MAST2: variants seen among roughly 807,000 people sequenced by gnomAD.
The protein encoded by MAST2 is microtubule-associated serine/threonine-protein kinase 2.
Under a neutral mutation model 147.4 loss-of-function variants are expected in MAST2, and 70 were observed. The observed-to-expected ratio is 0.47, with a 90% confidence interval of 0.39 to 0.58. MAST2 has a LOEUF of 0.58. Ranked by LOEUF, MAST2 falls within the 20% of genes least tolerant of loss-of-function variation. The pLI is 0.00. For synonymous variants in MAST2, 869 were observed against 896.8 expected (o/e 0.97, Z 0.55); for missense variants, 2,080 against 2,302.3 (o/e 0.90, Z 1.98).
chr1:45,849,123 G>A (rs1273729792), intron 3 of MAST2, among the ~76,000 whole-genome samples: 1 of 152,160 alleles, frequency 6.6e-6, no homozygotes, highest in Non-Finnish European at 1.5e-5. Flanking sequence ...CTCATGGATA[G>A]GAAGACTCAA....
intron 12 of MAST2, 37 bp from the exon 13 acceptor site, chr1:46,022,873 T>C: frequency 6.5e-7 from 1 of 1,542,834 alleles, no homozygotes; most frequent in African/African-American, 1.4e-5. Context: ...TACCTGACAT[T>C]GCCACGCACA....
intron 4 of MAST2, among the ~76,000 whole-genome samples, chr1:45,890,070 A>G (rs1253483307): frequency 6.6e-6 from 1 of 152,000 alleles, no homozygotes. Flanking sequence ...ATCTATACCA[A>G]TCTAGTTCCT....
chr1:45,919,668 T>C (rs1473189242), intron 4 of MAST2, among the ~76,000 whole-genome samples: 1 of 152,224 alleles, frequency 6.6e-6, no homozygotes, highest in African/African-American at 2.4e-5. Flanking sequence ...AGATTGTAAG[T>C]TGGGTAGCCC....
chr1:45,925,501 A>G (rs1022296344), intron 4 of MAST2, among the ~76,000 whole-genome samples: 2 of 152,140 alleles, frequency 1.3e-5, no homozygotes, highest in African/African-American at 4.8e-5. Flanking sequence ...TGCTAGATTG[A>G]CTTTGTGTTG....
chr1:45,807,847 T>C (rs1644186062), intron 1 of MAST2, among the ~76,000 whole-genome samples: 1 of 152,092 alleles, frequency 6.6e-6, no homozygotes, highest in Non-Finnish European at 1.5e-5. Context: ...CGGCCTAACA[T>C]TTGTGAGTTT....
At chr1:46,019,748 G>C (rs774657276) in intron 11 of MAST2, 51 bp downstream of exon 11, 4 of 1,495,518 alleles carry the variant, frequency 2.7e-6, no homozygotes, top group Non-Finnish European at 2.8e-6. Flanking sequence ...GAGGACTATA[G>C]AGGAAGTATC....
Position 46,035,829 on chromosome 1 carries a change from TC to T in MAST2, c.5163del (p.Ser1722AlafsTer14). On this transcript the variant is annotated frameshift_variant, in exon 29 of 29. Transcript: ENST00000361297. LOFTEE classifies it high-confidence loss of function. The surrounding 1 kb of genome is among the most constrained non-coding windows in gnomAD (Gnocchi z 5.5). The part of the protein sequence containing the change: ...PRLAHPSYED[P>X]SQGWLWESEC... ...GACTGGCCCATCCATCTTATGAGGATCCCAGCCAGGGCTGGCTATGGGAGTC... is the reference window on the plus strand; with the variant it reads ...GACTGGCCCATCCATCTTATGAGGATCCAGCCAGGGCTGGCTATGGGAGTC... 6.2e-7 allele frequency: 1 copy of T among 1,613,940 alleles called. No individual in the cohort carries two copies. Among genetic ancestry groups the T allele is most frequent in the Non-Finnish European group, 8.5e-7 (1 of 1,179,998 alleles).
At chr1:45,945,652 G>A (rs1657923678) in intron 4 of MAST2, among the ~76,000 whole-genome samples, 1 of 152,198 alleles carries the variant, frequency 6.6e-6, no homozygotes, top group African/African-American at 2.4e-5. Context: ...TGTGTATTAA[G>A]TAACAGATTA....
chr1:45,932,833 C>G (rs1259416693), intron 4 of MAST2, among the ~76,000 whole-genome samples: 1 of 152,096 alleles, frequency 6.6e-6, no homozygotes, highest in African/African-American at 2.4e-5. Context: ...TTTGATGTCT[C>G]TGTCATTCTT....
chr1:45,959,634 G>A (rs1010886499), intron 5 of MAST2, among the ~76,000 whole-genome samples, 157 bp downstream of exon 5: 1 of 152,210 alleles, frequency 6.6e-6, no homozygotes, highest in Non-Finnish European at 1.5e-5. Context: ...TTCTGTACGA[G>A]AATGAGTTAG....
intron 3 of MAST2, among the ~76,000 whole-genome samples, chr1:45,858,542 A>T (rs914519825): frequency 4.7e-5 from 7 of 148,544 alleles, no homozygotes; most frequent in African/African-American, 1.7e-4. Flanking sequence ...GATTGCAAAA[A>T]TTTTCCCCCA....
intron 8 of MAST2, chr1:46,006,619 G>C (rs1645499502): frequency 5.8e-6 from 2 of 343,192 alleles, no homozygotes; most frequent in South Asian, 1.2e-4. Context: ...AAAGTAGCAG[G>C]CCATAGTTAG....
chr1:45,912,315 G>T (rs138010351), intron 4 of MAST2, among the ~76,000 whole-genome samples: 5 of 152,204 alleles, frequency 3.3e-5, no homozygotes, highest in African/African-American at 9.6e-5. Context: ...CATCACACAC[G>T]TTCGCATTTG....
intron 5 of MAST2, among the ~76,000 whole-genome samples, chr1:45,963,633 G>GTTGCTGAA (rs1660755368): frequency 6.6e-6 from 1 of 152,182 alleles, no homozygotes; most frequent in Admixed American, 6.5e-5. Flanking sequence ...GACTGCTGAA[G>GTTGCTGAA]TTGCCTATCA....
intron 5 of MAST2, among the ~76,000 whole-genome samples, chr1:45,961,900 T>C (rs1259105720): frequency 6.6e-6 from 1 of 152,128 alleles, no homozygotes. Context: ...TAGGTATATC[T>C]CCTAATGCTA....
chr1:45,942,514 T>A (rs1173655847), intron 4 of MAST2, among the ~76,000 whole-genome samples: 1 of 152,170 alleles, frequency 6.6e-6, no homozygotes, highest in East Asian at 1.9e-4. Flanking sequence ...TCATTTATTT[T>A]TTATTTATTT....
chr1:46,031,018 G>C lies in MAST2; in HGVS notation c.2720G>C (p.Arg907Pro). 9 of 1,613,442 alleles carry C rather than the reference G, an allele frequency of 5.6e-6. No individual in the cohort carries two copies. The highest frequency in any genetic ancestry group is 7.6e-6 in the Non-Finnish European group (9 of 1,179,646). Residue 907 changes from arginine to proline, a missense_variant, in exon 23 of 29, where the codon CGG (arginine) becomes CCG (proline). Around this residue, in one of 4 missense-constraint regions of MAST2, gnomAD observed 1,278 missense variants for 1,304.2 expected, o/e 0.98. Coordinates refer to ENST00000361297, the MANE Select transcript of MAST2 (RefSeq NM_015112.3). The surrounding 1 kb of genome is among the most constrained non-coding windows in gnomAD (Gnocchi z 4.1). Reference protein sequence around the residue: ...VIGSPEILRKRLSVSESSHTE... With the variant: ...VIGSPEILRKPLSVSESSHTE... ...CTTGTGTCTCATAGATTACGGAAGC[G>C]GCTGTCGGTGTCTGAGTCATCCCAC...
At chr1:45,889,755 G>A (rs1647394680) in intron 4 of MAST2, among the ~76,000 whole-genome samples, 2 of 151,380 alleles carry the variant, frequency 1.3e-5, no homozygotes, top group Admixed American at 1.3e-4. Flanking sequence ...ACAGGTGCAC[G>A]CCATGACACC....
At chr1:45,859,293 T>A (rs1244284962) in intron 3 of MAST2, among the ~76,000 whole-genome samples, 1 of 152,108 alleles carries the variant, frequency 6.6e-6, no homozygotes, top group East Asian at 1.9e-4. Context: ...AGAGATGTGG[T>A]TTCACCATGT....
Sources: gnomAD v4.1 joint callset for allele counts (sites outside exome capture counted in the v4.1 genomes callset) on GRCh38, gnomAD v4.1.1 for gene constraint, gnomAD v4.1.1 regional missense constraint, Gnocchi (gnomAD v3.1) non-coding constraint, MANE v1.5 for transcripts, NCBI Gene and HGNC (gene_info 2026-07-23, HGNC 2026-07-21) for gene names.